Variants in SMTNL1 observed in about 807,000 individuals in gnomAD.
SMTNL1 encodes the protein smoothelin like 1, also known as smoothelin-like protein 1.
SMTNL1 carries 41 observed loss-of-function variants against 46.6 expected under a neutral mutation model. That is an observed-to-expected ratio of 0.88 (90% CI 0.69 to 1.14). The LOEUF is 1.14. SMTNL1 is among the 50% of genes most tolerant of loss of function. SMTNL1 has a pLI of 0.00. For synonymous variants in SMTNL1, 234 were observed against 234.2 expected, an observed-to-expected ratio of 1.00 and a Z score of 0.01; for missense variants, 591 against 626.1, an observed-to-expected ratio of 0.94 and a Z score of 0.60.
rs1565155107 is a variant in SMTNL1, at chr11:57,543,337, C to T, written c.695C>T (p.Ala232Val). Residue 232 changes from alanine (A) to valine (V), a missense_variant, in exon 2 of 8, where the codon GCT (alanine) becomes GTT (valine). Coordinates refer to ENST00000527972, the MANE Select transcript of SMTNL1 (RefSeq NM_001105565.3). ...EEAKHGAKEE[A>V]DAKEEAEDAE... The stretch of plus-strand genomic sequence containing the variant: ...GCCAAACATGGTGCAAAAGAGGAGG[C>T]TGATGCAAAAGAGGAGGCGGAGGAT... The T allele has an allele frequency of 6.2e-7, 1 of 1,613,914 alleles. No individual in the cohort carries two copies. Among genetic ancestry groups the T allele is most frequent in the Non-Finnish European group, 8.5e-7 (1 of 1,179,850 alleles).
At chr11:57,538,609 T>C (rs1051529724) in intron 1 of SMTNL1, among the ~76,000 whole-genome samples, 1 of 152,190 alleles carries the variant, frequency 6.6e-6, no homozygotes, top group East Asian at 1.9e-4. Flanking sequence ...GTAGGGACAC[T>C]GGGCTGCGGA....
chr11:57,547,656 C>A (rs1469399797), intron 7 of SMTNL1, among the ~76,000 whole-genome samples: 1 of 152,238 alleles, frequency 6.6e-6, no homozygotes, highest in African/African-American at 2.4e-5. Flanking sequence ...AATGCCGAAG[C>A]CCCCAGTGGC....
Position 57,545,119 on chromosome 11 carries a change from G to A in SMTNL1, c.918-762G>A, listed in dbSNP as rs75687252. Among the ~76,000 whole-genome samples, 375 of 152,046 alleles carry A rather than the reference G, an allele frequency of 2.5e-3. 3 individuals carry two copies. The highest frequency in any genetic ancestry group is 0.022 in the East Asian group (113 of 5,134). Reference sequence around the variant, plus strand: ...CCCAAAGTGCTGGGATTACAGGCATGAGCCACTGTGCCCGGCCTCCTTGTC... The same window carrying A: ...CCCAAAGTGCTGGGATTACAGGCATAAGCCACTGTGCCCGGCCTCCTTGTC... On this transcript the variant is annotated intron_variant, in intron 4 of 7. Transcript: ENST00000527972.
intron 2 of SMTNL1, 109 bp from the exon 3 acceptor site, chr11:57,543,515 G>C (rs1944898892): frequency 2.0e-6 from 3 of 1,517,954 alleles, no homozygotes; most frequent in African/African-American, 2.8e-5. Context: ...GGGGGACAAG[G>C]AGTGCAGCAC....
At position 57,546,235 on chromosome 11, in the gene SMTNL1, C is replaced by A; in HGVS notation, c.1076C>A (p.Ala359Glu). 1.3e-6 allele frequency: 2 copies of A among 1,595,318 alleles called. No individual in the cohort carries two copies. Among genetic ancestry groups the A allele is most frequent in the South Asian group, 1.1e-5 (1 of 88,152 alleles). ...RKAIVDKFGG[A>E]ASGPTALFRN... The stretch of plus-strand genomic sequence containing the variant: ...CTTGCACCCCTCTCCCCTCACAGGG[C>A]AGCTTCCGGCCCCACGGCCTTGTTC... Residue 359 changes from alanine (A) to glutamate (E), a missense_variant and splice_region_variant, in exon 6 of 8, where the codon GCA becomes GAA. Ala to Glu is a moderately radical substitution (Grantham distance 107, BLOSUM62 -1). Coordinates refer to ENST00000527972, the MANE Select transcript of SMTNL1 (RefSeq NM_001105565.3).
intron 1 of SMTNL1, among the ~76,000 whole-genome samples, chr11:57,542,133 C>CAA (rs1944884234): frequency 1.3e-5 from 2 of 149,358 alleles, no homozygotes; most frequent in African/African-American, 2.5e-5. Context: ...CACACACACA[C>CAA]ACACACACAC....
At chr11:57,547,008 C>A (rs1282549077) in intron 7 of SMTNL1, among the ~76,000 whole-genome samples, 2 of 152,030 alleles carry the variant, frequency 1.3e-5, no homozygotes, top group Non-Finnish European at 2.9e-5. Flanking sequence ...GTGGTGGATA[C>A]CTGTGGTCCC....
intron 1 of SMTNL1, among the ~76,000 whole-genome samples, chr11:57,541,124 T>G (rs1590801106): frequency 6.6e-6 from 1 of 152,102 alleles, no homozygotes; most frequent in African/African-American, 2.4e-5. Context: ...TTTTAGGAAA[T>G]AGTGAGGGCA....
chr11:57,540,567 T>A lies in SMTNL1; in HGVS notation c.-2-2074T>A, dbSNP rs1170296270. On this transcript the variant is annotated intron_variant, in intron 1 of 7. Transcript: ENST00000527972. ...ACCTGATCCAGATGAACCCCATCAT[T>A]GTCAGTTGAAACTGAGGCCCAGAGA... Among the ~76,000 whole-genome samples, 4 of 152,174 alleles carry A rather than the reference T, an allele frequency of 2.6e-5. No homozygotes were observed. The East Asian group carries it at 7.7e-4, about 29-fold the overall frequency.
Position 57,546,243 on chromosome 11 carries a change from G to C in SMTNL1, c.1084G>C (p.Gly362Arg), listed in dbSNP as rs1255118053. The C allele has an allele frequency of 6.2e-7, 1 of 1,601,032 alleles. No individual in the cohort carries two copies. Among genetic ancestry groups the C allele is most frequent in the African/African-American group, 1.3e-5 (1 of 74,694 alleles). The change falls in exon 6 of 8, where the codon GGC becomes CGC. Residue 362 changes from glycine to arginine, a missense_variant. By Grantham distance (125) the Gly-to-Arg change is moderately radical (BLOSUM62 -2). Transcript: ENST00000527972. ...CCTCTCCCCTCACAGGGCAGCTTCC[G>C]GCCCCACGGCCTTGTTCCGCAACAC... ...IVDKFGGAAS[G>R]PTALFRNTKA...
In SMTNL1 at chr11:57,542,976, A is replaced by T. The variant is rs2135262816; in HGVS notation, c.334A>T (p.Thr112Ser). The stretch of plus-strand genomic sequence containing the variant: ...GACCACTGTGGGTTCTCAGGAGATG[A>T]CTGGCAGGAAAGAAGAGACCAAATC... ...EETTVGSQEM[T>S]GRKEETKSEP... is the part of the protein sequence containing the mutation. The change falls in exon 2 of 8, where the codon ACT becomes TCT. Residue 112 changes from threonine to serine, a missense_variant. Physicochemically the swap from Thr to Ser is moderately conservative, Grantham distance 58. Transcript: ENST00000527972. 2 of 1,602,144 alleles carry T rather than the reference A, an allele frequency of 1.2e-6. No individual in the cohort carries two copies. The highest frequency in any genetic ancestry group is 1.7e-5 in the Admixed American group (1 of 57,788).
Position 57,542,833 on chromosome 11 carries a change from C to G in SMTNL1, c.191C>G (p.Ala64Gly), listed in dbSNP as rs1944890322. The change falls in exon 2 of 8, where the codon GCA becomes GGA. Residue 64 changes from alanine to glycine, a missense_variant. Ala to Gly is a moderately conservative substitution (Grantham distance 60). Transcript: ENST00000527972. Reference protein sequence around the residue: ...EKAPAEDGMSAELQGEANGLD... With the variant: ...EKAPAEDGMSGELQGEANGLD... ...GCACCAGCCGAGGACGGCATGTCAG[C>G]AGAACTCCAGGGGGAAGCAAATGGA... The G allele has an allele frequency of 6.2e-7, 1 of 1,613,426 alleles. No homozygotes were observed. The highest frequency in any genetic ancestry group is 8.5e-7 in the Non-Finnish European group (1 of 1,179,696).
chr11:57,542,104 CAAA>C (rs57091714), intron 1 of SMTNL1, among the ~76,000 whole-genome samples: 66 of 138,482 alleles, frequency 4.8e-4, no homozygotes, highest in African/African-American at 1.6e-3. Context: ...CCCATCTCTA[CAAA>C]AAAAAAACAC....
chr11:57,546,815 A>G (rs1194354828), intron 7 of SMTNL1, among the ~76,000 whole-genome samples, 163 bp downstream of exon 7: 1 of 152,206 alleles, frequency 6.6e-6, no homozygotes, highest in Non-Finnish European at 1.5e-5. Context: ...CCCTGGGGAT[A>G]CAGCAGTGGG....
chr11:57,541,874 C>T (rs1441827574), intron 1 of SMTNL1, among the ~76,000 whole-genome samples: 1 of 151,994 alleles, frequency 6.6e-6, no homozygotes, highest in African/African-American at 2.4e-5. Context: ...AAAATAAATA[C>T]AATGGAAACA....
intron 3 of SMTNL1, 49 bp downstream of exon 3, chr11:57,543,805 G>A: frequency 6.4e-7 from 1 of 1,557,030 alleles, no homozygotes; most frequent in Non-Finnish European, 8.7e-7. Context: ...CCACCTGGGG[G>A]AGGGGCGCAA....
intron 7 of SMTNL1, among the ~76,000 whole-genome samples, chr11:57,549,090 A>G (rs1386522147): frequency 6.8e-6 from 1 of 147,660 alleles, no homozygotes; most frequent in African/African-American, 2.5e-5. Context: ...CAGTGGTATG[A>G]TCTCAGCTCA....
chr11:57,547,237 G>C (rs1176084619), intron 7 of SMTNL1, among the ~76,000 whole-genome samples: 2 of 152,202 alleles, frequency 1.3e-5, no homozygotes, highest in African/African-American at 4.8e-5. Context: ...CTCACCAAGT[G>C]CTCCTGACCT....
Position 57,542,854 on chromosome 11 carries a change from A to T in SMTNL1, c.212A>T (p.Asn71Ile), listed in dbSNP as rs75192176. 2.9e-3 allele frequency: 4,714 copies of T among 1,612,894 alleles called. 127 individuals carry two copies. In the African/African-American group the frequency reaches 0.054, roughly 18 times the overall value. ...TCAGCAGAACTCCAGGGGGAAGCAAATGGATTAGATGAGGTCAAAGTGGAA... is the reference window on the plus strand; with the variant it reads ...TCAGCAGAACTCCAGGGGGAAGCAATTGGATTAGATGAGGTCAAAGTGGAA... ...GMSAELQGEA[N>I]GLDEVKVESQ... Residue 71 changes from asparagine to isoleucine, a missense_variant, in exon 2 of 8, where the codon AAT becomes ATT. Transcript: ENST00000527972.
Sources: allele counts gnomAD v4.1 joint callset (sites outside exome capture counted in the v4.1 genomes callset), GRCh38; gene constraint gnomAD v4.1.1; transcripts MANE v1.5; gene names NCBI Gene and HGNC (gene_info 2026-07-23, HGNC 2026-07-21).